Variants in NELL1 observed in about 807,000 individuals in gnomAD.
NELL1 encodes neural EGFL like 1, also known as protein kinase C-binding protein NELL1.
NELL1 carries 76 observed loss-of-function variants against 107.4 expected under a neutral mutation model. That is an observed-to-expected ratio of 0.71 (90% CI 0.59 to 0.86). NELL1 has a LOEUF of 0.86. Ranked by LOEUF, NELL1 falls within the 40% of genes least tolerant of loss-of-function variation. The pLI is 0.00. For missense variants in NELL1, 1,024 were observed against 1,005.5 expected (o/e 1.02, Z -0.25); for synonymous variants, 353 against 341.2 (o/e 1.03, Z -0.38).
At chr11:21,369,622 T>C (rs1194014936) in intron 14 of NELL1, among the ~76,000 whole-genome samples, 4 of 152,112 alleles carry the variant, frequency 2.6e-5, no homozygotes, top group African/African-American at 9.7e-5. Flanking sequence ...TACACTCATA[T>C]TAATTTTGAG....
At chr11:21,411,772 ATGATTCAGTAGATT>A (rs1324690783) in intron 15 of NELL1, among the ~76,000 whole-genome samples, 49 of 152,230 alleles carry the variant, frequency 3.2e-4, no homozygotes, top group African/African-American at 1.1e-3. Flanking sequence ...GGTGAGGTGA[ATGATTCAGTAGATT>A]TGATTCAGTA....
At chr11:20,705,693 C>T (rs1368202892) in intron 2 of NELL1, among the ~76,000 whole-genome samples, 1 of 146,114 alleles carries the variant, frequency 6.8e-6, no homozygotes, top group Non-Finnish European at 1.5e-5. Context: ...AGAGCTTCTG[C>T]ACAGCAAAAG....
intron 13 of NELL1, among the ~76,000 whole-genome samples, chr11:21,219,140 C>G (rs965462686): frequency 7.9e-5 from 12 of 152,104 alleles, no homozygotes; most frequent in Admixed American, 2.6e-4. Flanking sequence ...GCACTGGCAT[C>G]TGTTAGTGCC....
intron 2 of NELL1, among the ~76,000 whole-genome samples, chr11:20,714,986 G>A (rs897463835): frequency 9.2e-5 from 14 of 152,158 alleles, no homozygotes; most frequent in African/African-American, 3.4e-4. Flanking sequence ...GCTCACGCCT[G>A]TAATCCCAGT....
intron 15 of NELL1, among the ~76,000 whole-genome samples, chr11:21,402,183 C>T (rs1036880544): frequency 6.6e-6 from 1 of 151,710 alleles, no homozygotes; most frequent in African/African-American, 2.4e-5. Flanking sequence ...ACTTTCCTGG[C>T]GTCAACCCAT....
intron 13 of NELL1, among the ~76,000 whole-genome samples, chr11:21,136,808 TA>T (rs1855754187): frequency 6.6e-6 from 1 of 152,124 alleles, no homozygotes; most frequent in Non-Finnish European, 1.5e-5. Flanking sequence ...AAGACTATTG[TA>T]AAAAATGGTC....
chr11:21,085,304 T>C (rs1854364018), intron 12 of NELL1, among the ~76,000 whole-genome samples: 1 of 152,074 alleles, frequency 6.6e-6, no homozygotes, highest in South Asian at 2.1e-4. Flanking sequence ...AGAGGTGACT[T>C]TTGAGTTGAG....
chr11:20,985,367 A>T (rs1590501194), intron 12 of NELL1, among the ~76,000 whole-genome samples: 1 of 152,302 alleles, frequency 6.6e-6, no homozygotes, highest in East Asian at 1.9e-4. Flanking sequence ...TATAGCTATC[A>T]TTTTTATTTT....
At chr11:21,212,126 T>G (rs2133861697) in intron 13 of NELL1, among the ~76,000 whole-genome samples, 1 of 152,230 alleles carries the variant, frequency 6.6e-6, no homozygotes. Flanking sequence ...GTTCTGCTTC[T>G]TCTGACATAG....
chr11:21,076,346 G>A (rs1854135844), intron 12 of NELL1, among the ~76,000 whole-genome samples: 1 of 152,224 alleles, frequency 6.6e-6, no homozygotes, highest in Non-Finnish European at 1.5e-5. Context: ...TGTAAACAAG[G>A]TTTGGGACGT....
chr11:20,672,979 C>T (rs1000302866), intron 1 of NELL1, among the ~76,000 whole-genome samples: 11 of 95,802 alleles, frequency 1.1e-4, no homozygotes, highest in South Asian at 1.0e-3. Context: ...AGCCCCCCCC[C>T]CCCCCCCCGA....
intron 15 of NELL1, among the ~76,000 whole-genome samples, chr11:21,492,170 A>G (rs958710161): frequency 1.3e-5 from 2 of 152,188 alleles, no homozygotes; most frequent in Non-Finnish European, 2.9e-5. Context: ...GCCATCAGAG[A>G]AATGCAAATC....
chr11:21,102,521 T>C (rs1012161800), intron 12 of NELL1, among the ~76,000 whole-genome samples: 2 of 152,204 alleles, frequency 1.3e-5, no homozygotes, highest in African/African-American at 2.4e-5. Context: ...TTTCTTTATC[T>C]GTAGACTTGG....
chr11:21,301,960 G>C (rs544523817), intron 14 of NELL1, among the ~76,000 whole-genome samples: 1 of 152,018 alleles, frequency 6.6e-6, no homozygotes, highest in Non-Finnish European at 1.5e-5. Flanking sequence ...AATATGTTCT[G>C]CAATAGGTGA....
chr11:21,365,609 AAAC>A (rs934661282), intron 14 of NELL1, among the ~76,000 whole-genome samples: 1 of 152,186 alleles, frequency 6.6e-6, no homozygotes, highest in African/African-American at 2.4e-5. Context: ...CTGCTGATAC[AAAC>A]GTATATAGTA....
rs1379048885 is a variant in NELL1, at chr11:21,284,449, GGTC to G, written c.1549+54996_1549+54998del. 7 of 458,116 alleles carry G rather than the reference GGTC, an allele frequency of 1.5e-5. No homozygotes were observed. The East Asian group carries it at 4.9e-4, about 32-fold the overall frequency. The allele number at this position is 458,116 out of a possible 1,614,324, so 28.4% of individuals were successfully genotyped here. On this transcript the variant is annotated intron_variant, in intron 14 of 19. Transcript: ENST00000357134. Reference sequence around the variant, plus strand: ...GCAAAAAAGTGATGGCTGTGCACAAGGTCAACATCACGAAACTGGGAGATGGTC... The same window carrying G: ...GCAAAAAAGTGATGGCTGTGCACAAGAACATCACGAAACTGGGAGATGGTC...
intron 12 of NELL1, among the ~76,000 whole-genome samples, chr11:20,990,903 G>A (rs1565003271): frequency 6.6e-6 from 1 of 152,128 alleles, no homozygotes; most frequent in Non-Finnish European, 1.5e-5. Flanking sequence ...TGGCTTCTCT[G>A]GCTCTTGACC....
chr11:20,826,344 CAAG>C lies in NELL1; in HGVS notation c.336-21232_336-21230del, dbSNP rs745600512. On this transcript the variant is annotated intron_variant, in intron 3 of 19. Transcript: ENST00000357134. Reference sequence around the variant, plus strand: ...CTCACTATGCCAGCATGAAGGAGAACAAGAAGAAGTCAAGAGCATTCTCCTTAC... The same window carrying C: ...CTCACTATGCCAGCATGAAGGAGAACAAGAAGTCAAGAGCATTCTCCTTAC... 1.2e-4 allele frequency among the ~76,000 whole-genome samples: 18 copies of C among 151,248 alleles called. 1 individual carries two copies. Among genetic ancestry groups the C allele is most frequent in the Non-Finnish European group, 1.6e-4 (11 of 67,574 alleles).
intron 4 of NELL1, among the ~76,000 whole-genome samples, chr11:20,884,347 TGA>T (rs1849465212): frequency 6.6e-6 from 1 of 151,674 alleles, no homozygotes; most frequent in African/African-American, 2.4e-5. Context: ...CAGGGAGGAG[TGA>T]TGAGCTGTCC....
Sources: allele counts gnomAD v4.1 joint callset (sites outside exome capture counted in the v4.1 genomes callset), GRCh38; gene constraint gnomAD v4.1.1; transcripts MANE v1.5; gene names NCBI Gene and HGNC (gene_info 2026-07-23, HGNC 2026-07-21).